The following PARD3B variants were observed in gnomAD, a reference collection of about 807,000 sequenced individuals.
The protein encoded by PARD3B is par-3 family cell polarity regulator beta, also known as partitioning defective 3 homolog B.
In PARD3B, 103 loss-of-function variants were observed where a neutral mutation model predicts 130.2. The ratio of observed to expected loss-of-function variants is 0.79; its 90% CI spans 0.67 to 0.93. The LOEUF is 0.93. Ranked by LOEUF, PARD3B falls within the 40% of genes least tolerant of loss-of-function variation. PARD3B has a pLI of 0.00. For synonymous variants in PARD3B, 583 were observed against 553.2 expected (o/e 1.05, Z -0.76); for missense variants, 1,609 against 1,499.2 (o/e 1.07, Z -1.21).
intron 5 of PARD3B, among the ~76,000 whole-genome samples, chr2:205,108,726 G>T (rs1703413334): frequency 1.3e-5 from 2 of 151,886 alleles, no homozygotes; most frequent in African/African-American, 2.4e-5. Flanking sequence ...ACATCACAAG[G>T]TGCCTCCACT....
Position 205,405,750 on chromosome 2 carries a change from G to A in PARD3B, c.2741+4627G>A, listed in dbSNP as rs1005378327. Among the ~76,000 whole-genome samples the A allele has an allele frequency of 6.6e-6, 1 of 152,158 alleles. No homozygotes were observed. Among genetic ancestry groups the A allele is most frequent in the Admixed American group, 6.6e-5 (1 of 15,264 alleles). ...ACAGAATCAGCAGGAACAATGGACT[G>A]AATTAAACGTAAAGAAAGTTAATGG... On this transcript the variant is annotated intron_variant, in intron 19 of 22. Transcript: ENST00000406610. This position sits in a 1 kb window ranked among gnomAD's most constrained non-coding sequence, Gnocchi z 4.1.
At chr2:205,191,566 G>A in intron 14 of PARD3B, among the ~76,000 whole-genome samples, 1 of 152,138 alleles carries the variant, frequency 6.6e-6, no homozygotes, top group East Asian at 1.9e-4. Context: ...GCAAAAGTAG[G>A]ACATTTTACT....
chr2:205,371,799 CATT>C (rs937456575), intron 18 of PARD3B, among the ~76,000 whole-genome samples: 1 of 152,120 alleles, frequency 6.6e-6, no homozygotes, highest in Non-Finnish European at 1.5e-5. Flanking sequence ...GTTGTACAAT[CATT>C]ATAATCAACT....
At chr2:205,486,491 A>G (rs1357023327) in intron 20 of PARD3B, among the ~76,000 whole-genome samples, 1 of 152,206 alleles carries the variant, frequency 6.6e-6, no homozygotes, top group Non-Finnish European at 1.5e-5. Context: ...TGGGTAATGT[A>G]TAAACAGAAG....
chr2:204,722,938 A>G (rs2039062809), intron 2 of PARD3B, among the ~76,000 whole-genome samples: 1 of 152,150 alleles, frequency 6.6e-6, no homozygotes, highest in Non-Finnish European at 1.5e-5. Flanking sequence ...AAAAATTAGC[A>G]TAGAATGGGG....
At chr2:204,884,582 T>C (rs539472161) in intron 2 of PARD3B, among the ~76,000 whole-genome samples, 2 of 152,276 alleles carry the variant, frequency 1.3e-5, no homozygotes, top group African/African-American at 4.8e-5. Context: ...CAGCATCCAT[T>C]GGCTATTCTC....
chr2:204,935,300 C>T (rs236828), intron 2 of PARD3B, among the ~76,000 whole-genome samples: 115,991 of 149,660 alleles, frequency 0.78, 45,128 homozygotes, highest in South Asian at 0.86. Context: ...GAGGCCAAGG[C>T]GGGCGGATCA....
intron 2 of PARD3B, among the ~76,000 whole-genome samples, chr2:204,692,815 T>A (rs560832133): frequency 6.6e-6 from 1 of 152,208 alleles, no homozygotes; most frequent in South Asian, 2.1e-4. Flanking sequence ...TCTCCGCTTA[T>A]AGAATTACAA....
chr2:205,029,145 T>G (rs1199699099), intron 3 of PARD3B, among the ~76,000 whole-genome samples: 1 of 152,200 alleles, frequency 6.6e-6, no homozygotes, highest in Non-Finnish European at 1.5e-5. Context: ...CTGACTCATA[T>G]TTTTGACATC....
At chr2:204,839,551 G>A (rs1301353567) in intron 2 of PARD3B, among the ~76,000 whole-genome samples, 2 of 152,056 alleles carry the variant, frequency 1.3e-5, no homozygotes, top group South Asian at 2.1e-4. Context: ...CCATGCACTC[G>A]AAATTCTTAA....
At chr2:204,641,359 T>C (rs1239514745) in intron 1 of PARD3B, among the ~76,000 whole-genome samples, 1 of 151,996 alleles carries the variant, frequency 6.6e-6, no homozygotes, top group Non-Finnish European at 1.5e-5. Context: ...GGATAATGAA[T>C]AGAAGTGTCT....
At chr2:205,454,757 A>G (rs1285736997) in intron 20 of PARD3B, among the ~76,000 whole-genome samples, 2 of 152,146 alleles carry the variant, frequency 1.3e-5, no homozygotes, top group Non-Finnish European at 2.9e-5. Flanking sequence ...CTGACAGGAT[A>G]TCCATATACT....
chr2:205,302,053 CTT>C (rs1229110318), intron 18 of PARD3B: 2 of 192,492 alleles, frequency 1.0e-5, no homozygotes, highest in Non-Finnish European at 1.9e-5. Context: ...TTCTTTTTTT[CTT>C]TTTTCTTTTC....
chr2:205,362,828 T>C (rs1171672674), intron 18 of PARD3B, among the ~76,000 whole-genome samples: 1 of 152,212 alleles, frequency 6.6e-6, no homozygotes, highest in Non-Finnish European at 1.5e-5. Context: ...AGAAGCCGGC[T>C]TGCCTGACTT....
intron 3 of PARD3B, among the ~76,000 whole-genome samples, chr2:204,982,466 A>G (rs1692759773): frequency 6.6e-6 from 1 of 152,216 alleles, no homozygotes; most frequent in Non-Finnish European, 1.5e-5. Context: ...GCACACAAGT[A>G]CAGGGGCTTG....
intron 4 of PARD3B, among the ~76,000 whole-genome samples, chr2:205,051,204 C>T (rs555193644): frequency 6.6e-6 from 1 of 151,862 alleles, no homozygotes; most frequent in African/African-American, 2.4e-5. Context: ...TTGTACTTGG[C>T]GCTTCCTTCA....
At chr2:204,804,621 C>G (rs1378098689) in intron 2 of PARD3B, among the ~76,000 whole-genome samples, 2 of 152,146 alleles carry the variant, frequency 1.3e-5, no homozygotes, top group African/African-American at 2.4e-5. Context: ...TTAATCTGCA[C>G]TATAGAACAA....
At chr2:205,553,661 C>A (rs930773042) in intron 22 of PARD3B, among the ~76,000 whole-genome samples, 4 of 152,170 alleles carry the variant, frequency 2.6e-5, no homozygotes, top group African/African-American at 7.2e-5. Context: ...AAATGGAAAT[C>A]CTAAGCCATT....
intron 2 of PARD3B, among the ~76,000 whole-genome samples, chr2:204,935,688 A>G (rs1471789262): frequency 6.6e-6 from 1 of 152,172 alleles, no homozygotes; most frequent in Admixed American, 6.5e-5. Context: ...TGTAACTGAT[A>G]CATATTTGTT....
Sources: allele counts gnomAD v4.1 joint callset (sites outside exome capture counted in the v4.1 genomes callset), GRCh38; gene constraint gnomAD v4.1.1; non-coding constraint Gnocchi (gnomAD v3.1); transcripts MANE v1.5; gene names NCBI Gene and HGNC (gene_info 2026-07-23, HGNC 2026-07-21).